The following FAM20A variants were observed in gnomAD, a reference collection of about 807,000 sequenced individuals.
The protein encoded by FAM20A is FAM20A golgi associated secretory pathway pseudokinase.
Under a neutral mutation model 52.0 loss-of-function variants are expected in FAM20A, and 42 were observed. The ratio of observed to expected loss-of-function variants is 0.81; its 90% confidence interval spans 0.63 to 1.04. The LOEUF (loss-of-function observed/expected upper bound fraction) is 1.04. Ranked by LOEUF, FAM20A falls within the 50% of genes least tolerant of loss-of-function variation. FAM20A has a pLI of 0.00. For missense variants in FAM20A, 742 were observed against 712.7 expected (o/e 1.04, Z -0.47); for synonymous variants, 304 against 298.9 (o/e 1.02, Z -0.18).
At chr17:68,591,168 G>A (rs1382655562) in intron 1 of FAM20A, among the ~76,000 whole-genome samples, 1 of 152,058 alleles carries the variant, frequency 6.6e-6, no homozygotes, top group Non-Finnish European at 1.5e-5. Context: ...GTGCAGTGGC[G>A]CGATCTCGGC....
intron 1 of FAM20A, among the ~76,000 whole-genome samples, chr17:68,564,707 T>A (rs553820029): frequency 9.2e-5 from 14 of 152,284 alleles, no homozygotes; most frequent in African/African-American, 3.4e-4. Flanking sequence ...GAGGTGGGTG[T>A]CTGCAGGCAT....
intron 4 of FAM20A, among the ~76,000 whole-genome samples, chr17:68,547,785 T>C (rs1221377535): frequency 6.6e-6 from 1 of 152,254 alleles, no homozygotes; most frequent in African/African-American, 2.4e-5. Flanking sequence ...TGCTTTCTTA[T>C]CATTCGTGTT....
At chr17:68,588,769 C>G in intron 1 of FAM20A, among the ~76,000 whole-genome samples, 1 of 152,320 alleles carries the variant, frequency 6.6e-6, no homozygotes, top group Middle Eastern at 3.4e-3. Flanking sequence ...CAGTCACATT[C>G]TGAGGTGTAC....
chr17:68,566,454 G>T (rs1420770707), intron 1 of FAM20A, among the ~76,000 whole-genome samples: 5 of 152,168 alleles, frequency 3.3e-5, no homozygotes, highest in Non-Finnish European at 7.3e-5. Flanking sequence ...AAATATTTTA[G>T]GGGTTTGATG....
intron 2 of FAM20A, among the ~76,000 whole-genome samples, chr17:68,555,041 T>A (rs948759279): frequency 6.6e-6 from 1 of 152,162 alleles, no homozygotes. Flanking sequence ...AGCCCTTCAG[T>A]GGGCACTCCA....
intron 1 of FAM20A, among the ~76,000 whole-genome samples, chr17:68,590,639 A>C (rs537484662): frequency 6.6e-6 from 1 of 152,352 alleles, no homozygotes; most frequent in East Asian, 1.9e-4. Flanking sequence ...TTTATGATTG[A>C]ATTTGCTTTC....
chr17:68,546,701 G>T (rs568720916), intron 4 of FAM20A, among the ~76,000 whole-genome samples: 1 of 151,798 alleles, frequency 6.6e-6, no homozygotes, highest in African/African-American at 2.4e-5. Context: ...ATGGTGGCCG[G>T]CGCCTGTAGT....
intron 5 of FAM20A, 113 bp from the exon 6 acceptor site, chr17:68,542,922 G>T: frequency 1.3e-6 from 1 of 798,730 alleles, no homozygotes; most frequent in South Asian, 1.4e-5. Context: ...CAGGAGGGTG[G>T]CCGGTGAGGC....
At chr17:68,557,069 G>A (rs1463272275) in intron 1 of FAM20A, among the ~76,000 whole-genome samples, 2 of 151,962 alleles carry the variant, frequency 1.3e-5, no homozygotes. Flanking sequence ...GCATGATGGT[G>A]CACACCTGTA....
chr17:68,562,227 T>A (rs2087234811), intron 1 of FAM20A, among the ~76,000 whole-genome samples: 1 of 152,256 alleles, frequency 6.6e-6, no homozygotes, highest in African/African-American at 2.4e-5. Context: ...CAAGAAAATA[T>A]GTTCAAAGAT....
intron 1 of FAM20A, among the ~76,000 whole-genome samples, chr17:68,584,036 G>T (rs988644169): frequency 6.6e-6 from 1 of 152,242 alleles, no homozygotes; most frequent in Admixed American, 6.5e-5. Context: ...TTAAGATCTG[G>T]CTGGGTGTGG....
chr17:68,575,472 T>G (rs1269730768), intron 1 of FAM20A, among the ~76,000 whole-genome samples: 3 of 116,340 alleles, frequency 2.6e-5, no homozygotes, highest in African/African-American at 1.0e-4. Context: ...ATATATAATA[T>G]ATTTTATATA....
rs1460927659 is a variant in FAM20A at position 68,535,683 on chromosome 17, G to A, written c.*1794C>T. On this transcript the variant is annotated 3_prime_UTR_variant, in exon 11 of 11. Transcript: ENST00000592554. ...TTTAAAAAAAAATTTTTTTTTTTTT[G>A]TATTTTTTTGTAGAGACAGGGTTTT... The A allele has an allele frequency of 6.9e-6, 3 of 437,386 alleles. No individual in the cohort carries two copies. Among genetic ancestry groups the A allele is most frequent in the South Asian group, 4.9e-5 (3 of 61,098 alleles). The allele number at this position is 437,386 out of a possible 1,614,324, so 27.1% of individuals were successfully genotyped here. A position where few individuals can be genotyped will look rare whatever the true frequency, so the allele number is the denominator to read the frequency against.
At chr17:68,552,939 C>T (rs2086912112) in intron 3 of FAM20A, among the ~76,000 whole-genome samples, 1 of 107,098 alleles carries the variant, frequency 9.3e-6, no homozygotes, top group Non-Finnish European at 2.1e-5. Context: ...CCTCGGCCTC[C>T]CAAAGTGCTG....
chr17:68,562,083 C>T (rs2087231786), intron 1 of FAM20A, among the ~76,000 whole-genome samples: 1 of 152,214 alleles, frequency 6.6e-6, no homozygotes, highest in Non-Finnish European at 1.5e-5. Flanking sequence ...CTTGGCCTCT[C>T]AAAATGCTGG....
chr17:68,543,414 C>T (rs904848528), intron 5 of FAM20A, among the ~76,000 whole-genome samples: 1 of 152,304 alleles, frequency 6.6e-6, no homozygotes, highest in South Asian at 2.1e-4. Flanking sequence ...GTAAATTGTT[C>T]TTTTCGTTAC....
chr17:68,598,252 G>C (rs990386306), intron 1 of FAM20A: 2 of 152,006 alleles, frequency 1.3e-5, no homozygotes, highest in Non-Finnish European at 1.5e-5. Context: ...TCCTCCCTCT[G>C]CCTCTGCCTC....
Position 68,538,625 on chromosome 17 carries a change from C to T in FAM20A, c.1361+712G>A, listed in dbSNP as rs555635713. Among the ~76,000 whole-genome samples, 9 of 152,298 alleles carry T rather than the reference C, an allele frequency of 5.9e-5. 1 individual carries two copies. The South Asian group carries it at 1.9e-3, about 32-fold the overall frequency. ...CCTTCTTCCAGTCTGCACAGGTTTA[C>T]AGGACTTTAATCAGGGTTTTGCTTA... is the stretch of plus-strand genomic sequence containing the variant. On this transcript the variant is annotated intron_variant, in intron 10 of 10. Transcript: ENST00000592554.
intron 4 of FAM20A, among the ~76,000 whole-genome samples, chr17:68,546,356 C>G (rs912440302): frequency 1.3e-5 from 2 of 151,954 alleles, no homozygotes; most frequent in Admixed American, 1.3e-4. Context: ...GGATTGAGAT[C>G]AATCTTCTTT....
Sources: gnomAD v4.1 joint callset for allele counts (sites outside exome capture counted in the v4.1 genomes callset) on GRCh38, gnomAD v4.1.1 for gene constraint, MANE v1.5 for transcripts, NCBI Gene and HGNC (gene_info 2026-07-23, HGNC 2026-07-21) for gene names.